DLGAP1: variants seen among roughly 807,000 people sequenced by gnomAD.
DLGAP1 encodes DLG associated protein 1.
DLGAP1 carries 11 observed loss-of-function variants against 90.8 expected under a neutral mutation model. That is an observed-to-expected ratio of 0.12 (90% CI 0.08 to 0.20). DLGAP1 has a LOEUF of 0.20. Among genes scored for constraint, DLGAP1 ranks in the 10% least tolerant of loss-of-function variants. The pLI is 1.00. For missense variants in DLGAP1, 1,050 were observed against 1,333.8 expected, an observed-to-expected ratio of 0.79 and a Z score of 3.31; for synonymous variants, 558 against 540.7, an observed-to-expected ratio of 1.03 and a Z score of -0.44.
At chr18:3,904,300 G>A (rs747747992) in intron 3 of DLGAP1, among the ~76,000 whole-genome samples, 5 of 152,192 alleles carry the variant, frequency 3.3e-5, no homozygotes, top group Non-Finnish European at 5.9e-5. Flanking sequence ...AGGTCTAGAC[G>A]AGTTTTGATG....
intron 4 of DLGAP1, among the ~76,000 whole-genome samples, chr18:3,854,743 T>C (rs1301240661): frequency 6.6e-6 from 1 of 152,062 alleles, no homozygotes; most frequent in Non-Finnish European, 1.5e-5. Flanking sequence ...GGGAAACCTA[T>C]CAGTATGATT....
At chr18:4,141,191 T>G (rs995774186) in intron 2 of DLGAP1, among the ~76,000 whole-genome samples, 1 of 152,196 alleles carries the variant, frequency 6.6e-6, no homozygotes, top group South Asian at 2.1e-4. Context: ...TTTGAGGCTA[T>G]TTTCTAGATC....
At chr18:3,985,880 CA>C (rs2073831575) in intron 3 of DLGAP1, among the ~76,000 whole-genome samples, 1 of 152,122 alleles carries the variant, frequency 6.6e-6, no homozygotes, top group South Asian at 2.1e-4. Flanking sequence ...CTCCCTCCCC[CA>C]AGAGCCAGAA....
intron 2 of DLGAP1, among the ~76,000 whole-genome samples, chr18:4,145,566 TAA>T (rs2076571571): frequency 6.6e-6 from 1 of 152,056 alleles, no homozygotes; most frequent in South Asian, 2.1e-4. Context: ...CAACTGAAAC[TAA>T]AAAACACATA....
chr18:4,276,809 A>C (rs507375), intron 1 of DLGAP1, among the ~76,000 whole-genome samples: 1,756 of 152,314 alleles, frequency 0.012, 32 homozygotes, highest in African/African-American at 0.039. Context: ...TGTGATTCTT[A>C]AGTGAAGTTT....
rs532611548 is a variant in DLGAP1 at position 4,048,491 on chromosome 18, C to G, written c.-158-43290G>C. Among the ~76,000 whole-genome samples the G allele has an allele frequency of 9.3e-4, 141 of 152,294 alleles. 1 individual carries two copies. The highest frequency in any genetic ancestry group is 1.7e-3 in the Non-Finnish European group (118 of 68,036). ...CAGAAGTGGCATTTTCTTGACAAGG[C>G]CTGTCACTCACTCAGTGCCTACTCA... On this transcript the variant is annotated intron_variant, in intron 2 of 12. Coordinates refer to ENST00000315677, the MANE Select transcript of DLGAP1 (RefSeq NM_004746.4).
At chr18:3,614,265 A>T (rs1374130182) in intron 7 of DLGAP1, among the ~76,000 whole-genome samples, 1 of 152,134 alleles carries the variant, frequency 6.6e-6, no homozygotes. Context: ...TCCAAACCAC[A>T]ATTCTTCCTG....
intron 9 of DLGAP1, among the ~76,000 whole-genome samples, chr18:3,549,751 T>C (rs1308025101): frequency 1.3e-5 from 2 of 152,204 alleles, no homozygotes; most frequent in Non-Finnish European, 2.9e-5. Flanking sequence ...TTTATGACTA[T>C]ATTGTTATGA....
At chr18:3,520,210 C>T (rs1463108366) in intron 10 of DLGAP1, among the ~76,000 whole-genome samples, 4 of 152,112 alleles carry the variant, frequency 2.6e-5, no homozygotes, top group Non-Finnish European at 5.9e-5. Flanking sequence ...TTCCCATCTA[C>T]GTGTGTCCTT....
intron 1 of DLGAP1, among the ~76,000 whole-genome samples, chr18:4,277,143 T>A (rs1598792436): frequency 6.6e-6 from 1 of 152,224 alleles, no homozygotes; most frequent in East Asian, 1.9e-4. Context: ...GATTTTCCTG[T>A]GTATACACGT....
chr18:3,872,708 T>C (rs540963618), intron 4 of DLGAP1, among the ~76,000 whole-genome samples: 1 of 152,332 alleles, frequency 6.6e-6, no homozygotes, highest in South Asian at 2.1e-4. Flanking sequence ...AATTGTGTAA[T>C]GCCATGATCT....
chr18:3,611,177 T>C (rs549469807), intron 7 of DLGAP1, among the ~76,000 whole-genome samples: 69 of 151,970 alleles, frequency 4.5e-4, no homozygotes, highest in Non-Finnish European at 7.7e-4. Context: ...ATTTACTATA[T>C]GTTTGTTTTA....
At chr18:3,571,074 T>C (rs2054754709) in intron 8 of DLGAP1, 1 of 152,024 alleles carries the variant, frequency 6.6e-6, no homozygotes, top group Non-Finnish European at 1.5e-5. Flanking sequence ...AAAAATCATA[T>C]TGGAATTTTT....
intron 3 of DLGAP1, among the ~76,000 whole-genome samples, chr18:3,965,534 T>C (rs2073306686): frequency 6.6e-6 from 1 of 152,182 alleles, no homozygotes; most frequent in Non-Finnish European, 1.5e-5. Flanking sequence ...GATCAAATCA[T>C]AACATAATAC....
At position 3,509,054 on chromosome 18, in the gene DLGAP1, A is replaced by G. The variant is rs189262882; in HGVS notation, c.2480-393T>C. On this transcript the variant is annotated intron_variant, in intron 10 of 12. Transcript: ENST00000315677. The stretch of plus-strand genomic sequence containing the variant: ...TGTTTACCAGTATAGCTCTGGATTG[A>G]TGGAGTCAGCCGTCATGGTCGGCTG... Among the ~76,000 whole-genome samples the G allele has an allele frequency of 5.3e-5, 8 of 151,266 alleles. No homozygotes were observed. In the East Asian group the frequency reaches 1.6e-3, roughly 30 times the overall value.
intron 1 of DLGAP1, among the ~76,000 whole-genome samples, chr18:4,322,878 A>G (rs2080725775): frequency 1.4e-5 from 2 of 141,108 alleles, no homozygotes; most frequent in Admixed American, 7.4e-5. Flanking sequence ...GGAGACTGGC[A>G]TGAACCCGGG....
chr18:4,022,327 C>G (rs1270650994), intron 2 of DLGAP1, among the ~76,000 whole-genome samples: 3 of 150,232 alleles, frequency 2.0e-5, no homozygotes, highest in Non-Finnish European at 4.4e-5. Context: ...CTCACAGCCC[C>G]CTCCAACCAT....
intron 3 of DLGAP1, among the ~76,000 whole-genome samples, chr18:3,880,945 A>G (rs953294656): frequency 2.5e-5 from 3 of 120,518 alleles, no homozygotes; most frequent in Admixed American, 8.6e-5. Flanking sequence ...TCCATCTCAG[A>G]AAAAAAAAAA....
intron 2 of DLGAP1, among the ~76,000 whole-genome samples, chr18:4,026,294 C>G (rs574803745): frequency 6.6e-6 from 1 of 152,166 alleles, no homozygotes. Flanking sequence ...ATACAGATGT[C>G]TAGGTTTTTC....
Sources: gnomAD v4.1 joint callset for allele counts (sites outside exome capture counted in the v4.1 genomes callset) on GRCh38, gnomAD v4.1.1 for gene constraint, MANE v1.5 for transcripts, NCBI Gene and HGNC (gene_info 2026-07-23, HGNC 2026-07-21) for gene names.